CNTNAP5: variants seen among roughly 807,000 people sequenced by gnomAD.
CNTNAP5 encodes contactin associated protein family member 5.
CNTNAP5 carries 72 observed loss-of-function variants against 150.2 expected under a neutral mutation model. The ratio of observed to expected loss-of-function variants is 0.48; its 90% confidence interval spans 0.40 to 0.58. The LOEUF is 0.58. Among genes scored for constraint, CNTNAP5 ranks in the 20% least tolerant of loss-of-function variants. CNTNAP5 has a pLI of 0.00. For synonymous variants in CNTNAP5, 672 were observed against 619.8 expected, an observed-to-expected ratio of 1.08 and a Z score of -1.25; for missense variants, 1,636 against 1,626.2, an observed-to-expected ratio of 1.01 and a Z score of -0.10.
intron 3 of CNTNAP5, among the ~76,000 whole-genome samples, chr2:124,311,040 C>T (rs1307253511): frequency 6.6e-6 from 1 of 152,186 alleles, no homozygotes; most frequent in Non-Finnish European, 1.5e-5. Context: ...CACTCCAGTA[C>T]TATTGGGTTC....
intron 11 of CNTNAP5, among the ~76,000 whole-genome samples, chr2:124,579,876 A>G (rs1044366540): frequency 1.3e-5 from 2 of 152,238 alleles, no homozygotes; most frequent in Non-Finnish European, 2.9e-5. Flanking sequence ...AATAATGGGA[A>G]GCAATTGTTT....
intron 3 of CNTNAP5, among the ~76,000 whole-genome samples, chr2:124,329,657 C>T (rs746525608): frequency 6.6e-6 from 1 of 152,082 alleles, no homozygotes; most frequent in East Asian, 1.9e-4. Flanking sequence ...TTTAGTAGCT[C>T]GGTGGCAAAG....
chr2:124,500,794 G>T (rs984768566), intron 7 of CNTNAP5, among the ~76,000 whole-genome samples: 1 of 152,180 alleles, frequency 6.6e-6, no homozygotes, highest in African/African-American at 2.4e-5. Context: ...GGGCATGTAT[G>T]ACAGTGAAAA....
chr2:124,602,338 CAAAAA>C (rs35316532), intron 11 of CNTNAP5, among the ~76,000 whole-genome samples: 18 of 89,780 alleles, frequency 2.0e-4, no homozygotes, highest in Admixed American at 2.8e-4. Flanking sequence ...AAGACTTCAC[CAAAAA>C]AAAAAAAAAA....
intron 19 of CNTNAP5, among the ~76,000 whole-genome samples, chr2:124,817,716 C>T (rs1419935499): frequency 6.6e-6 from 1 of 152,098 alleles, no homozygotes; most frequent in Non-Finnish European, 1.5e-5. Flanking sequence ...AGTTACCTAA[C>T]CCCCAATGCA....
At chr2:124,867,519 A>G (rs748074573) in intron 20 of CNTNAP5, among the ~76,000 whole-genome samples, 1 of 152,062 alleles carries the variant, frequency 6.6e-6, no homozygotes, top group Non-Finnish European at 1.5e-5. Flanking sequence ...TGACATAGGG[A>G]TTCCTTCCTG....
chr2:124,044,822 A>C (rs1681481114), intron 1 of CNTNAP5, among the ~76,000 whole-genome samples: 1 of 151,800 alleles, frequency 6.6e-6, no homozygotes, highest in Admixed American at 6.6e-5. Flanking sequence ...CTTATCTCAG[A>C]AACTAAACTT....
At chr2:124,045,655 C>T (rs1055474681) in intron 1 of CNTNAP5, among the ~76,000 whole-genome samples, 5 of 152,176 alleles carry the variant, frequency 3.3e-5, no homozygotes, top group African/African-American at 9.7e-5. Context: ...TGTCTTATCT[C>T]TTAACACCCT....
chr2:124,242,135 T>C (rs1573861209), intron 2 of CNTNAP5, 65 bp from the exon 3 acceptor site: 3 of 1,301,486 alleles, frequency 2.3e-6, no homozygotes, highest in East Asian at 5.1e-5. Flanking sequence ...CCTTTGATAG[T>C]TGAAAATTGT....
intron 3 of CNTNAP5, among the ~76,000 whole-genome samples, chr2:124,408,933 A>G (rs1201162893): frequency 1.3e-5 from 2 of 151,840 alleles, no homozygotes. Flanking sequence ...CGATCAAATT[A>G]CTCTGAGCTA....
intron 1 of CNTNAP5, among the ~76,000 whole-genome samples, chr2:124,061,006 T>C (rs1003722071): frequency 2.0e-5 from 3 of 152,284 alleles, no homozygotes; most frequent in South Asian, 2.1e-4. Context: ...GGGCTGCCAG[T>C]GCCATTTACT....
At chr2:124,589,344 G>A (rs959344109) in intron 11 of CNTNAP5, among the ~76,000 whole-genome samples, 6 of 152,120 alleles carry the variant, frequency 3.9e-5, no homozygotes, top group African/African-American at 1.4e-4. Context: ...CGATTTATCT[G>A]TGTTGTAGCA....
intron 7 of CNTNAP5, among the ~76,000 whole-genome samples, chr2:124,503,023 T>C (rs538524295): frequency 6.6e-6 from 1 of 152,314 alleles, no homozygotes; most frequent in South Asian, 2.1e-4. Flanking sequence ...GCCTATCCTA[T>C]TGCCTAGCAC....
chr2:124,124,326 A>T (rs146463133), intron 1 of CNTNAP5, among the ~76,000 whole-genome samples: 2 of 152,158 alleles, frequency 1.3e-5, no homozygotes, highest in Non-Finnish European at 2.9e-5. Flanking sequence ...TGGAAGATCA[A>T]ATGAATGAAA....
At chr2:124,664,752 T>C (rs1260294499) in intron 13 of CNTNAP5, among the ~76,000 whole-genome samples, 1 of 152,236 alleles carries the variant, frequency 6.6e-6, no homozygotes, top group Non-Finnish European at 1.5e-5. Context: ...AATGGCGCAA[T>C]CTTGTCTCAC....
At chr2:124,596,081 A>T (rs1445982775) in intron 11 of CNTNAP5, among the ~76,000 whole-genome samples, 6 of 132,806 alleles carry the variant, frequency 4.5e-5, no homozygotes, top group African/African-American at 1.8e-4. Flanking sequence ...GATCCTTTCA[A>T]AAAACCAGCT....
chr2:124,146,533 T>G (rs1684258557), intron 1 of CNTNAP5, among the ~76,000 whole-genome samples: 1 of 152,074 alleles, frequency 6.6e-6, no homozygotes, highest in Non-Finnish European at 1.5e-5. Context: ...AGTAAACATT[T>G]GAAAATGAAC....
chr2:124,652,786 G>C (rs1330716525), intron 13 of CNTNAP5, among the ~76,000 whole-genome samples: 1 of 152,164 alleles, frequency 6.6e-6, no homozygotes, highest in Non-Finnish European at 1.5e-5. Flanking sequence ...CGTCATTAGG[G>C]TGTCAGTATC....
At chr2:124,152,424 A>G (rs2420559) in intron 1 of CNTNAP5, among the ~76,000 whole-genome samples, 97,807 of 152,112 alleles carry the variant, frequency 0.64, 31,927 homozygotes, top group East Asian at 0.82. Context: ...AGTAGCCCAA[A>G]GCCTGTGAAC....
Sources: allele counts gnomAD v4.1 joint callset (sites outside exome capture counted in the v4.1 genomes callset), GRCh38; gene constraint gnomAD v4.1.1; transcripts MANE v1.5; gene names NCBI Gene and HGNC (gene_info 2026-07-23, HGNC 2026-07-21).